The following CNTNAP2 variants were observed in gnomAD, a reference collection of about 807,000 sequenced individuals.
CNTNAP2 encodes the protein contactin associated protein 2.
CNTNAP2 carries 98 observed loss-of-function variants against 155.2 expected under a neutral mutation model. That is an observed-to-expected ratio of 0.63 (90% CI 0.54 to 0.75). The LOEUF is 0.75. Among genes scored for constraint, CNTNAP2 ranks in the 30% least tolerant of loss-of-function variants. The pLI, the probability that CNTNAP2 is intolerant of heterozygous loss-of-function variation, is 0.00. For missense variants in CNTNAP2, 1,727 were observed against 1,688.1 expected, an observed-to-expected ratio of 1.02 and a Z score of -0.40; for synonymous variants, 651 against 631.2, an observed-to-expected ratio of 1.03 and a Z score of -0.47.
intron 14 of CNTNAP2, among the ~76,000 whole-genome samples, chr7:147,966,102 GAA>G (rs35984625): frequency 2.0e-5 from 3 of 152,126 alleles, no homozygotes; most frequent in African/African-American, 7.2e-5. Flanking sequence ...TGTTTGTAGA[GAA>G]AAGTTTGTGG....
intron 2 of CNTNAP2, among the ~76,000 whole-genome samples, chr7:146,818,392 G>A (rs1215278652): frequency 2.6e-5 from 4 of 152,096 alleles, no homozygotes; most frequent in Non-Finnish European, 5.9e-5. Context: ...TTCCTAAGAA[G>A]GCCAAAGTAT....
chr7:147,186,127 T>C (rs1802561320), intron 8 of CNTNAP2, among the ~76,000 whole-genome samples: 1 of 152,146 alleles, frequency 6.6e-6, no homozygotes, highest in Non-Finnish European at 1.5e-5. Context: ...AGGAAAATAT[T>C]ACATTTCAGA....
chr7:147,336,524 G>A (rs1219904370), intron 9 of CNTNAP2, among the ~76,000 whole-genome samples: 2 of 152,116 alleles, frequency 1.3e-5, no homozygotes. Context: ...TAGCATATGG[G>A]TGATAATAGT....
At chr7:147,666,530 G>A (rs1406748033) in intron 13 of CNTNAP2, among the ~76,000 whole-genome samples, 1 of 152,102 alleles carries the variant, frequency 6.6e-6, no homozygotes, top group African/African-American at 2.4e-5. Flanking sequence ...TATTTACTAT[G>A]CTATACTTTA....
chr7:147,395,647 C>T lies in CNTNAP2; in HGVS notation c.1537C>T (p.Leu513Phe), dbSNP rs757738848. Residue 513 changes from leucine to phenylalanine, a missense_variant, in exon 10 of 24, where the codon CTT becomes TTT. Physicochemically the swap from Leu to Phe is conservative, Grantham distance 22. Transcript: ENST00000361727. ...GATGAATAACTCAAGTCACTCTGTC[C>T]TTCAGCCTTCATTCCAAGGATGCAT... ...NQMNNSSHSV[L>F]QPSFQGCMQL... The T allele has an allele frequency of 6.2e-7, 1 of 1,612,380 alleles. No individual in the cohort carries two copies. The highest frequency in any genetic ancestry group is 8.5e-7 in the Non-Finnish European group (1 of 1,178,716).
chr7:147,423,109 C>T (rs530835992), intron 10 of CNTNAP2, among the ~76,000 whole-genome samples: 1 of 152,244 alleles, frequency 6.6e-6, no homozygotes, highest in South Asian at 2.1e-4. Context: ...CTCTAAGTGT[C>T]CTATACAACA....
rs542865871 is a variant in CNTNAP2, at chr7:147,033,248, T to C, written c.403-10659T>C. On this transcript the variant is annotated intron_variant, in intron 3 of 23. Transcript: ENST00000361727. ...CACAATGTTTGACATGATTTTGCAA[T>C]AAAAAAGAGTGTATTTTTAGCATAG... is the stretch of plus-strand genomic sequence containing the variant. Among the ~76,000 whole-genome samples, 15 of 143,968 alleles carry C rather than the reference T, an allele frequency of 1.0e-4. No homozygotes were observed. The Middle Eastern group carries it at 0.011, about 107-fold the overall frequency. The allele number at this position is 143,968 out of a possible 152,430, so 94.4% of individuals were successfully genotyped here.
chr7:146,399,235 A>G (rs2129107947), intron 1 of CNTNAP2, among the ~76,000 whole-genome samples: 1 of 152,316 alleles, frequency 6.6e-6, no homozygotes, highest in African/African-American at 2.4e-5. Context: ...TTTATTAACT[A>G]TAATTACCAT....
At chr7:146,865,065 T>C (rs1383277323) in intron 3 of CNTNAP2, among the ~76,000 whole-genome samples, 1 of 150,884 alleles carries the variant, frequency 6.6e-6, no homozygotes, top group East Asian at 1.9e-4. Flanking sequence ...AAATTCTATA[T>C]GCTAGCATCA....
intron 1 of CNTNAP2, among the ~76,000 whole-genome samples, chr7:146,411,759 G>A (rs28378650): frequency 0.029 from 4,393 of 151,304 alleles, 203 homozygotes; most frequent in African/African-American, 0.1. Flanking sequence ...GATTGGCATG[G>A]CATTTTGTAC....
At chr7:146,942,081 C>T (rs1797068900) in intron 3 of CNTNAP2, among the ~76,000 whole-genome samples, 1 of 151,980 alleles carries the variant, frequency 6.6e-6, no homozygotes, top group Admixed American at 6.6e-5. Context: ...TTTAAATATG[C>T]TTTCTATTCT....
At chr7:147,330,073 C>T (rs1795530457) in intron 9 of CNTNAP2, among the ~76,000 whole-genome samples, 2 of 152,070 alleles carry the variant, frequency 1.3e-5, no homozygotes, top group Admixed American at 1.3e-4. Context: ...TAGGGCGAAA[C>T]CCCTAGAAAG....
At chr7:146,856,329 C>T (rs1794986760) in intron 3 of CNTNAP2, among the ~76,000 whole-genome samples, 2 of 150,430 alleles carry the variant, frequency 1.3e-5, no homozygotes, top group Non-Finnish European at 3.0e-5. Context: ...TACATACATA[C>T]ATACATACAT....
intron 8 of CNTNAP2, among the ~76,000 whole-genome samples, chr7:147,276,750 A>G (rs564329886): frequency 3.3e-5 from 5 of 152,116 alleles, no homozygotes; most frequent in East Asian, 3.9e-4. Flanking sequence ...TGACTATGTT[A>G]GGTTTTTTAT....
intron 1 of CNTNAP2, among the ~76,000 whole-genome samples, chr7:146,606,283 G>T (rs1406438074): frequency 6.6e-6 from 1 of 152,106 alleles, no homozygotes; most frequent in Non-Finnish European, 1.5e-5. Flanking sequence ...CATTATAGAT[G>T]TAAAAAGTGA....
intron 21 of CNTNAP2, among the ~76,000 whole-genome samples, chr7:148,321,402 G>A (rs1797788671): frequency 6.6e-6 from 1 of 152,158 alleles, no homozygotes; most frequent in Non-Finnish European, 1.5e-5. Context: ...GCTTGGGGGT[G>A]GACAGAGGCT....
chr7:147,134,409 G>A (rs1370617931), intron 8 of CNTNAP2, among the ~76,000 whole-genome samples: 1 of 151,742 alleles, frequency 6.6e-6, no homozygotes, highest in Non-Finnish European at 1.5e-5. Context: ...AAGAATCTGT[G>A]CAAATTAATT....
At chr7:146,718,508 T>G (rs893765260) in intron 1 of CNTNAP2, among the ~76,000 whole-genome samples, 4 of 152,098 alleles carry the variant, frequency 2.6e-5, no homozygotes, top group Non-Finnish European at 5.9e-5. Flanking sequence ...CTTAAACCTT[T>G]TCTGTTTAAT....
At chr7:146,698,669 C>T (rs888480347) in intron 1 of CNTNAP2, among the ~76,000 whole-genome samples, 5 of 152,024 alleles carry the variant, frequency 3.3e-5, no homozygotes, top group East Asian at 3.9e-4. Flanking sequence ...TCTTTGAATT[C>T]GAAAAAGCAT....
Sources: allele counts gnomAD v4.1 joint callset (sites outside exome capture counted in the v4.1 genomes callset), GRCh38; gene constraint gnomAD v4.1.1; transcripts MANE v1.5; gene names NCBI Gene and HGNC (gene_info 2026-07-23, HGNC 2026-07-21).